Variants in CEP164 observed in about 807,000 individuals in gnomAD.
CEP164 encodes the protein centrosomal protein of 164 kDa.
In CEP164, 162 loss-of-function variants were observed where a neutral mutation model predicts 182.7. That is an observed-to-expected ratio of 0.89 (90% CI 0.78 to 1.01). The LOEUF is 1.01. Ranked by LOEUF, CEP164 falls within the 50% of genes least tolerant of loss-of-function variation. The pLI, the probability that CEP164 is intolerant of heterozygous loss-of-function variation, is 0.00. For synonymous variants in CEP164, 661 were observed against 690.0 expected, an observed-to-expected ratio of 0.96 and a Z score of 0.66; for missense variants, 1,735 against 1,790.4, an observed-to-expected ratio of 0.97 and a Z score of 0.56.
intron 5 of CEP164, chr11:117,354,943 T>G (rs2040144714): frequency 7.8e-7 from 1 of 1,283,934 alleles, no homozygotes; most frequent in African/African-American, 1.5e-5. Flanking sequence ...AAACGCAGCC[T>G]GAGGAGGGAC....
chr11:117,388,245 CG>C (rs896260892), intron 15 of CEP164, among the ~76,000 whole-genome samples: 1 of 152,170 alleles, frequency 6.6e-6, no homozygotes, highest in African/African-American at 2.4e-5. Flanking sequence ...ATCTCTCTCC[CG>C]AGGCCCCTGA....
intron 5 of CEP164, chr11:117,355,740 A>G: frequency 8.7e-7 from 1 of 1,148,034 alleles, no homozygotes; most frequent in Non-Finnish European, 1.1e-6. Flanking sequence ...CAGGTCTCCA[A>G]GCTTGTCAAT....
At chr11:117,392,429 C>G (rs2044782138) in intron 18 of CEP164, 67 bp from the exon 19 acceptor site, 1 of 1,579,658 alleles carries the variant, frequency 6.3e-7, no homozygotes. Context: ...CAGAACACAT[C>G]CCCACACAGC....
At chr11:117,377,256 C>CT (rs2042853455) in intron 11 of CEP164, among the ~76,000 whole-genome samples, 1 of 152,196 alleles carries the variant, frequency 6.6e-6, no homozygotes, top group African/African-American at 2.4e-5. Flanking sequence ...CTTGCATGCA[C>CT]AGATCACGAT....
intron 12 of CEP164, among the ~76,000 whole-genome samples, chr11:117,381,068 G>C (rs1195368346): frequency 6.6e-6 from 1 of 152,170 alleles, no homozygotes; most frequent in Admixed American, 6.5e-5. Context: ...AAGAAACCTT[G>C]TGGAGGTCTG....
chr11:117,382,684 T>A, intron 13 of CEP164, 112 bp from the exon 14 acceptor site: 1 of 1,291,356 alleles, frequency 7.7e-7, no homozygotes, highest in Non-Finnish European at 1.1e-6. Context: ...AGGGAAATTG[T>A]TGGGCTGTCT....
chr11:117,397,815 T>C (rs1276980673), intron 27 of CEP164, among the ~76,000 whole-genome samples: 2 of 152,150 alleles, frequency 1.3e-5, no homozygotes, highest in Admixed American at 1.3e-4. Flanking sequence ...CACGTGGAAA[T>C]TATGGGAGTA....
intron 4 of CEP164, among the ~76,000 whole-genome samples, chr11:117,347,642 G>A (rs941646207): frequency 6.6e-6 from 1 of 151,782 alleles, no homozygotes; most frequent in East Asian, 1.9e-4. Context: ...CACGGGAGGT[G>A]GAGGTTGCAG....
intron 11 of CEP164, among the ~76,000 whole-genome samples, chr11:117,377,529 G>A (rs1180452019): frequency 6.6e-6 from 1 of 152,152 alleles, no homozygotes; most frequent in African/African-American, 2.4e-5. Flanking sequence ...GGTCGAGATG[G>A]GGAGGTGGAG....
upstream of CEP164, among the ~76,000 whole-genome samples, chr11:117,327,606 AG>A (rs955561215): frequency 2.2e-4 from 34 of 151,808 alleles, no homozygotes; most frequent in Non-Finnish European, 3.4e-4. Context: ...CCAGCCGATG[AG>A]GTTCTCTTTC....
chr11:117,372,616 C>T (rs2042329180), intron 9 of CEP164, among the ~76,000 whole-genome samples: 1 of 151,768 alleles, frequency 6.6e-6, no homozygotes, highest in South Asian at 2.1e-4. Context: ...GGGGTTTCTC[C>T]ATGTTGGTCA....
In CEP164 at chr11:117,411,623, T is replaced by C; in HGVS notation, c.4164-172T>C. Reference sequence around the variant, plus strand: ...CTCCACCACTTTCCCGTTTGGGAACTGTTCTGGAGGGGCAGATGTTTTGAA... The same window carrying C: ...CTCCACCACTTTCCCGTTTGGGAACCGTTCTGGAGGGGCAGATGTTTTGAA... On this transcript the variant is annotated intron_variant, in intron 31 of 32. Transcript: ENST00000278935. This position sits in a 1 kb window ranked among gnomAD's most constrained non-coding sequence, Gnocchi z 4.4. The C allele has an allele frequency of 1.2e-6, 1 of 844,708 alleles. No individual in the cohort carries two copies. Among genetic ancestry groups the C allele is most frequent in the South Asian group, 1.8e-5 (1 of 56,346 alleles). 52.3% of individuals were successfully genotyped at this position (844,708 alleles called of 1,614,324 possible).
intron 9 of CEP164, among the ~76,000 whole-genome samples, chr11:117,372,847 T>C (rs2042355512): frequency 6.6e-6 from 1 of 152,202 alleles, no homozygotes; most frequent in South Asian, 2.1e-4. Flanking sequence ...CATTTGGCTG[T>C]GTTCTGCCCC....
At chr11:117,346,534 G>A (rs888948445) in intron 4 of CEP164, among the ~76,000 whole-genome samples, 9 of 151,294 alleles carry the variant, frequency 5.9e-5, no homozygotes, top group Admixed American at 1.3e-4. Context: ...TGGGATTACA[G>A]GCGTGAGCCA....
At chr11:117,381,605 A>C (rs1242835067) in intron 12 of CEP164, 96 bp from the exon 13 acceptor site, 1 of 1,367,088 alleles carries the variant, frequency 7.3e-7, no homozygotes, top group East Asian at 2.7e-5. Flanking sequence ...ACCCAGGAGG[A>C]GGCAATGACC....
intron 4 of CEP164, 35 bp downstream of exon 4, chr11:117,344,312 C>T (rs1440084193): frequency 1.4e-6 from 2 of 1,438,184 alleles, no homozygotes; most frequent in Non-Finnish European, 1.9e-6. Context: ...CTGACTTGGC[C>T]TAGCAGAGGC....
Position 117,395,135 on chromosome 11 carries a change from C to A in CEP164, c.2857C>A (p.Arg953=). The A allele has an allele frequency of 6.2e-7, 1 of 1,614,142 alleles. No homozygotes were observed. The highest frequency in any genetic ancestry group is 8.5e-7 in the Non-Finnish European group (1 of 1,180,042). Residue 953 remains arginine, a synonymous_variant, in exon 23 of 33, where the codon CGG becomes AGG. Transcript: ENST00000278935. The part of the protein sequence containing the change: ...ALLEVQEETA[R]REKQQLLDVQ... ...TCTTCCCTGCAAGGAGGAGACCGCCCGGAGGGAGAAGCAGCAGCTGCTTGA... is the reference window on the plus strand; with the variant it reads ...TCTTCCCTGCAAGGAGGAGACCGCCAGGAGGGAGAAGCAGCAGCTGCTTGA...
chr11:117,404,541 G>A (rs750441242), intron 27 of CEP164, among the ~76,000 whole-genome samples: 1 of 152,146 alleles, frequency 6.6e-6, no homozygotes, highest in Non-Finnish European at 1.5e-5. Context: ...TCCCAGAGGG[G>A]CACCCACCAG....
chr11:117,366,568 G>C (rs1468704758), intron 8 of CEP164, among the ~76,000 whole-genome samples: 2 of 152,200 alleles, frequency 1.3e-5, no homozygotes, highest in Admixed American at 1.3e-4. Context: ...CTGGTGAAAA[G>C]CCCATCAGTG....
Sources: allele counts gnomAD v4.1 joint callset (sites outside exome capture counted in the v4.1 genomes callset), GRCh38; gene constraint gnomAD v4.1.1; non-coding constraint Gnocchi (gnomAD v3.1); transcripts MANE v1.5; gene names NCBI Gene and HGNC (gene_info 2026-07-23, HGNC 2026-07-21).